Variants in NAV2 observed in about 807,000 individuals in gnomAD.
The protein encoded by NAV2 is neuron navigator 2, also known as helicase, APC down-regulated 1.
NAV2 carries 54 observed loss-of-function variants against 223.2 expected under a neutral mutation model. That is an observed-to-expected ratio of 0.24 (90% CI 0.19 to 0.30). NAV2 has a LOEUF of 0.30. NAV2 is among the 10% of genes least tolerant of loss of function. The pLI, the probability that NAV2 is intolerant of heterozygous loss-of-function variation, is 1.00. For synonymous variants in NAV2, 1,279 were observed against 1,239.3 expected (o/e 1.03, Z -0.67); for missense variants, 2,806 against 3,147.5 (o/e 0.89, Z 2.60).
chr11:20,049,722 T>A, intron 15 of NAV2, 114 bp from the exon 16 acceptor site: 1 of 980,526 alleles, frequency 1.0e-6, no homozygotes, highest in East Asian at 2.4e-5. Flanking sequence ...TTTCTGCATA[T>A]AGGGAAGAAA....
At chr11:19,567,594 T>C (rs2045307318) in intron 1 of NAV2, among the ~76,000 whole-genome samples, 1 of 152,174 alleles carries the variant, frequency 6.6e-6, no homozygotes, top group Non-Finnish European at 1.5e-5. Context: ...CATTGCACTG[T>C]AGCTCTAAGA....
intron 12 of NAV2, 98 bp downstream of exon 12, chr11:20,036,195 C>A: frequency 7.0e-7 from 1 of 1,422,142 alleles, no homozygotes; most frequent in Non-Finnish European, 9.8e-7. Flanking sequence ...CAACCAGAAT[C>A]TCCAGGTTGA....
rs2045595594 is a variant in NAV2 at position 19,933,726 on chromosome 11, G to A, written c.1482G>A (p.Arg494=). Residue 494 remains arginine (R), a synonymous_variant, in exon 7 of 38, where the codon CGG becomes CGA. Transcript: ENST00000349880. This position sits in a 1 kb window ranked among gnomAD's most constrained non-coding sequence, Gnocchi z 4.3. ...AGAAAGAGAAGGAGAAACAACAGCG[G>A]GAGAAGGATAAGGAGAAAAGCAAGG... ...GNEKEKEKQQ[R]EKDKEKSKDL... is the part of the protein sequence containing the mutation. 6 of 1,614,180 alleles carry A rather than the reference G, an allele frequency of 3.7e-6. No homozygotes were observed. The highest frequency in any genetic ancestry group is 5.1e-6 in the Non-Finnish European group (6 of 1,180,042).
intron 1 of NAV2, among the ~76,000 whole-genome samples, chr11:19,500,623 C>T (rs1036065868): frequency 1.3e-5 from 2 of 152,122 alleles, no homozygotes; most frequent in Non-Finnish European, 2.9e-5. Context: ...CTAGAAAATT[C>T]CAGCCATCCC....
At chr11:19,643,695 G>A (rs986131793) in intron 1 of NAV2, among the ~76,000 whole-genome samples, 1 of 152,158 alleles carries the variant, frequency 6.6e-6, no homozygotes, top group African/African-American at 2.4e-5. Flanking sequence ...TGGGATGGCT[G>A]GGTCAAGTGG....
At chr11:19,656,515 C>A (rs760183903) in intron 1 of NAV2, among the ~76,000 whole-genome samples, 32 of 152,164 alleles carry the variant, frequency 2.1e-4, no homozygotes, top group Non-Finnish European at 4.0e-4. Context: ...AGATCATGCC[C>A]AGGCTTGAAG....
chr11:19,908,103 G>A (rs1374707949), intron 6 of NAV2, among the ~76,000 whole-genome samples: 2 of 152,214 alleles, frequency 1.3e-5, no homozygotes, highest in African/African-American at 4.8e-5. Context: ...GCCGGAAACT[G>A]ATCAGAACTG....
intron 1 of NAV2, among the ~76,000 whole-genome samples, chr11:19,527,109 G>A (rs1368835508): frequency 6.6e-6 from 1 of 151,330 alleles, no homozygotes; most frequent in East Asian, 2.0e-4. Context: ...ATCTCGTCTT[G>A]AATTGTAGCT....
At chr11:19,484,969 G>A (rs1447629872) in intron 1 of NAV2, among the ~76,000 whole-genome samples, 17 of 152,200 alleles carry the variant, frequency 1.1e-4, no homozygotes, top group Admixed American at 1.0e-3. Flanking sequence ...CCATGGGACA[G>A]CTGTGGCCCC....
rs1361763508 is a variant in NAV2, at chr11:19,405,056, GT to G, written c.75+54030del. ...GGCAGCTAACTTTCATAAATATTTT[GT>G]CCCTGGTCCGTGGAAGACAGGAATT... On this transcript the variant is annotated intron_variant, in intron 1 of 37. Transcript: ENST00000360655. Among the ~76,000 whole-genome samples the G allele has an allele frequency of 2.6e-5, 4 of 152,112 alleles. No individual in the cohort carries two copies. The East Asian group carries it at 7.7e-4, about 29-fold the overall frequency.
At chr11:20,005,253 A>ATATATTTTT (rs1277010848) in intron 11 of NAV2, among the ~76,000 whole-genome samples, 4 of 134,544 alleles carry the variant, frequency 3.0e-5, no homozygotes, top group Non-Finnish European at 4.7e-5. Flanking sequence ...ATATATATAT[A>ATATATTTTT]TTTTTTTTTT....
chr11:19,987,309 A>C (rs2050882022), intron 11 of NAV2, among the ~76,000 whole-genome samples: 1 of 152,250 alleles, frequency 6.6e-6, no homozygotes, highest in Admixed American at 6.5e-5. Context: ...TGAAAATCGA[A>C]GGTCCCAGAG....
chr11:19,460,259 G>A (rs11025141), intron 1 of NAV2, among the ~76,000 whole-genome samples: 44,950 of 152,182 alleles, frequency 0.3, 7,624 homozygotes, highest in South Asian at 0.41. Flanking sequence ...TGCTGACTTA[G>A]AAAGAATGTG....
At chr11:19,947,696 C>T (rs187884793) in intron 9 of NAV2, among the ~76,000 whole-genome samples, 11 of 152,306 alleles carry the variant, frequency 7.2e-5, no homozygotes, top group Non-Finnish European at 1.5e-5. Flanking sequence ...GCTGTGAAAA[C>T]AGTGGAAGAC....
chr11:20,058,606 C>A (rs1239252350), intron 19 of NAV2, among the ~76,000 whole-genome samples: 2 of 152,148 alleles, frequency 1.3e-5, no homozygotes, highest in Admixed American at 6.5e-5. Context: ...ATGGAATCCC[C>A]AGGAGCACAG....
At chr11:20,034,322 T>A (rs932338877) in intron 11 of NAV2, among the ~76,000 whole-genome samples, 3 of 152,056 alleles carry the variant, frequency 2.0e-5, no homozygotes, top group Admixed American at 6.6e-5. Flanking sequence ...TCTACGTGAC[T>A]TCTCACTTCT....
intron 1 of NAV2, among the ~76,000 whole-genome samples, chr11:19,499,161 A>T (rs552872997): frequency 1.3e-5 from 2 of 152,322 alleles, no homozygotes; most frequent in East Asian, 3.9e-4. Flanking sequence ...GTGTGGGCTG[A>T]TTTACCCTGA....
At position 19,933,470 on chromosome 11, in the gene NAV2, A is replaced by G. The variant is rs1469041038; in HGVS notation, c.1226A>G (p.Asn409Ser). 1.2e-6 allele frequency: 2 copies of G among 1,608,286 alleles called. No homozygotes were observed. Among genetic ancestry groups the G allele is most frequent in the Non-Finnish European group, 1.7e-6 (2 of 1,177,678 alleles). Residue 409 changes from asparagine to serine, a missense_variant, in exon 7 of 38, where the codon AAC (asparagine) becomes AGC (serine). Coordinates refer to ENST00000349880, the MANE Select transcript of NAV2 (RefSeq NM_145117.5). The surrounding 1 kb of genome is among the most constrained non-coding windows in gnomAD (Gnocchi z 4.3). ...KSMLEKLKLF[N>S]SKGGSKAGEG... ...ATGCTGGAAAAGCTGAAACTTTTCAACAGTAAAGGGGGCTCAAAGGCAGGT... is the reference window on the plus strand; with the variant it reads ...ATGCTGGAAAAGCTGAAACTTTTCAGCAGTAAAGGGGGCTCAAAGGCAGGT...
intron 1 of NAV2, among the ~76,000 whole-genome samples, chr11:19,518,151 GAT>G (rs2043518654): frequency 5.3e-5 from 8 of 152,198 alleles, no homozygotes; most frequent in Admixed American, 6.5e-5. Context: ...AACTTTCCTG[GAT>G]AACAGACTCC....
Sources: gnomAD v4.1 joint callset for allele counts (sites outside exome capture counted in the v4.1 genomes callset) on GRCh38, gnomAD v4.1.1 for gene constraint, Gnocchi (gnomAD v3.1) non-coding constraint, MANE v1.5 for transcripts, NCBI Gene and HGNC (gene_info 2026-07-23, HGNC 2026-07-21) for gene names.